The following TMEFF1 variants were observed in gnomAD, a reference collection of about 807,000 sequenced individuals.
TMEFF1 encodes the protein transmembrane protein with EGF like and two follistatin like domains 1, also known as tomoregulin-1.
In TMEFF1, 20 loss-of-function variants were observed where a neutral mutation model predicts 47.5. The ratio of observed to expected loss-of-function variants is 0.42; its 90% confidence interval spans 0.30 to 0.61. TMEFF1 has a LOEUF of 0.61. Ranked by LOEUF, TMEFF1 falls within the 20% of genes least tolerant of loss-of-function variation. The pLI, the probability that TMEFF1 is intolerant of heterozygous loss-of-function variation, is 0.19. For missense variants in TMEFF1, 411 were observed against 471.1 expected (o/e 0.87, Z 1.18); for synonymous variants, 162 against 166.3 (o/e 0.97, Z 0.20).
At chr9:100,516,571 G>A in intron 4 of TMEFF1, 104 bp from the exon 5 acceptor site, 2 of 1,408,920 alleles carry the variant, frequency 1.4e-6, no homozygotes, top group Non-Finnish European at 9.5e-7. Flanking sequence ...CAAGAGCTCA[G>A]GTACATTTTC....
At chr9:100,484,248 G>A in intron 1 of TMEFF1, among the ~76,000 whole-genome samples, 1 of 151,734 alleles carries the variant, frequency 6.6e-6, no homozygotes, top group Non-Finnish European at 1.5e-5. Context: ...TTTCTAAATT[G>A]CACAATCCAG....
At chr9:100,555,032 C>T (rs1838890875) in intron 7 of TMEFF1, among the ~76,000 whole-genome samples, 1 of 152,124 alleles carries the variant, frequency 6.6e-6, no homozygotes. Flanking sequence ...TTCATAACAT[C>T]ATCCCTTAGA....
intron 1 of TMEFF1, among the ~76,000 whole-genome samples, chr9:100,479,788 GT>G (rs1280861783): frequency 6.6e-6 from 1 of 152,136 alleles, no homozygotes; most frequent in Non-Finnish European, 1.5e-5. Context: ...TATTTGAGTT[GT>G]TTTTACTTTT....
intron 5 of TMEFF1, among the ~76,000 whole-genome samples, chr9:100,533,040 A>T (rs1838424452): frequency 7.1e-6 from 1 of 140,938 alleles, no homozygotes; most frequent in Admixed American, 7.9e-5. Flanking sequence ...TTGAACAATG[A>T]GATCACATGG....
At chr9:100,548,890 G>T in intron 6 of TMEFF1, among the ~76,000 whole-genome samples, 1 of 152,030 alleles carries the variant, frequency 6.6e-6, no homozygotes, top group South Asian at 2.1e-4. Flanking sequence ...ACCCCTTCTG[G>T]GTAGATGTCC....
intron 1 of TMEFF1, among the ~76,000 whole-genome samples, chr9:100,489,529 A>G (rs2118279384): frequency 6.6e-6 from 1 of 152,358 alleles, no homozygotes; most frequent in East Asian, 1.9e-4. Flanking sequence ...GTAGCATGTA[A>G]TTGTTTTATT....
intron 5 of TMEFF1, among the ~76,000 whole-genome samples, chr9:100,517,516 A>G (rs1421749493): frequency 6.6e-6 from 1 of 152,236 alleles, no homozygotes; most frequent in African/African-American, 2.4e-5. Context: ...TGATCTAATT[A>G]GCATTAATGT....
chr9:100,501,168 G>A (rs932107757), intron 2 of TMEFF1, among the ~76,000 whole-genome samples: 3 of 152,160 alleles, frequency 2.0e-5, no homozygotes, highest in Admixed American at 2.0e-4. Flanking sequence ...GGGGAAGACC[G>A]GGGCTGTTCT....
intron 1 of TMEFF1, among the ~76,000 whole-genome samples, chr9:100,477,099 C>T (rs1332554664): frequency 1.3e-5 from 2 of 152,166 alleles, no homozygotes; most frequent in Non-Finnish European, 2.9e-5. Context: ...GGAGCTGATT[C>T]GGTCAGGCTG....
chr9:100,550,936 C>T (rs1838819062), intron 7 of TMEFF1, among the ~76,000 whole-genome samples: 1 of 152,246 alleles, frequency 6.6e-6, no homozygotes, highest in Admixed American at 6.5e-5. Context: ...GGCCACTGCT[C>T]TTTTTGCTTG....
chr9:100,554,386 G>A (rs796211736), intron 7 of TMEFF1, among the ~76,000 whole-genome samples: 3 of 152,224 alleles, frequency 2.0e-5, no homozygotes, highest in Admixed American at 6.6e-5. Flanking sequence ...AAGAGAGGAA[G>A]GTGCTGGGGA....
chr9:100,551,293 T>G (rs1838823592), intron 7 of TMEFF1, among the ~76,000 whole-genome samples: 1 of 152,258 alleles, frequency 6.6e-6, no homozygotes, highest in African/African-American at 2.4e-5. Context: ...TTGTAAGTGT[T>G]CAACAAATGG....
intron 1 of TMEFF1, among the ~76,000 whole-genome samples, chr9:100,479,065 A>G (rs539535479): frequency 3.3e-4 from 51 of 152,356 alleles, no homozygotes; most frequent in African/African-American, 1.2e-3. Context: ...ATTTGTGGCA[A>G]TTCAGGATTC....
chr9:100,574,628 C>T (rs1027608649), intron 9 of TMEFF1, among the ~76,000 whole-genome samples: 8 of 152,014 alleles, frequency 5.3e-5, no homozygotes, highest in Admixed American at 3.3e-4. Flanking sequence ...CCACCTGCCT[C>T]GGTCTCGCAA....
chr9:100,565,459 G>C (rs1435396520), intron 8 of TMEFF1, among the ~76,000 whole-genome samples: 4 of 152,212 alleles, frequency 2.6e-5, no homozygotes, highest in Non-Finnish European at 4.4e-5. Flanking sequence ...GATCATGGCT[G>C]TCGGTGAAAA....
chr9:100,500,799 A>G lies in TMEFF1; in HGVS notation c.306+1925A>G, dbSNP rs141156194. Among the ~76,000 whole-genome samples the G allele has an allele frequency of 5.4e-3, 816 of 152,284 alleles. 3 individuals carry two copies. Among genetic ancestry groups the G allele is most frequent in the Non-Finnish European group, 9.5e-3 (645 of 68,022 alleles). On this transcript the variant is annotated intron_variant, in intron 2 of 9. Coordinates refer to ENST00000374879, the MANE Select transcript of TMEFF1 (RefSeq NM_003692.5). ...GAATTTATCCTATACATTGTGAATCATATGTTTTAGAGTGTGTGAGTTTTG... is the reference window on the plus strand; with the variant it reads ...GAATTTATCCTATACATTGTGAATCGTATGTTTTAGAGTGTGTGAGTTTTG...
intron 9 of TMEFF1, among the ~76,000 whole-genome samples, chr9:100,575,540 T>C (rs927794895): frequency 1.3e-5 from 2 of 152,154 alleles, no homozygotes; most frequent in African/African-American, 4.8e-5. Flanking sequence ...AAAATGAGGA[T>C]TAGTGAGGTA....
In TMEFF1 at chr9:100,576,727, A is replaced by G; in HGVS notation, c.*127A>G. ...TTTTAGTGTAGTACTGTTGGCTCGT[A>G]TTTAGAATATTCAGCTACGACAGTT... On this transcript the variant is annotated 3_prime_UTR_variant, in exon 10 of 10. Coordinates refer to ENST00000374879, the MANE Select transcript of TMEFF1 (RefSeq NM_003692.5). 4 of 1,129,210 alleles carry G rather than the reference A, an allele frequency of 3.5e-6. No homozygotes were observed. Among genetic ancestry groups the G allele is most frequent in the South Asian group, 3.6e-5 (2 of 55,392 alleles). 69.9% of individuals were successfully genotyped at this position (1,129,210 alleles called of 1,614,324 possible).
intron 1 of TMEFF1, among the ~76,000 whole-genome samples, chr9:100,478,614 C>T (rs181469829): frequency 7.2e-4 from 110 of 152,162 alleles, no homozygotes; most frequent in African/African-American, 2.4e-3. Context: ...AGAAAAACTT[C>T]GATTTTATAT....
Sources: gnomAD v4.1 joint callset for allele counts (sites outside exome capture counted in the v4.1 genomes callset) on GRCh38, gnomAD v4.1.1 for gene constraint, MANE v1.5 for transcripts, NCBI Gene and HGNC (gene_info 2026-07-23, HGNC 2026-07-21) for gene names.